TBC1D12: variants seen among roughly 807,000 people sequenced by gnomAD.
TBC1D12 encodes TBC1 domain family member 12.
A neutral mutation model predicts 86.7 loss-of-function variants in TBC1D12; 56 were observed. The ratio of observed to expected loss-of-function variants is 0.65; its 90% CI spans 0.52 to 0.81. TBC1D12 has a LOEUF of 0.81. TBC1D12 is among the 30% of genes least tolerant of loss of function. TBC1D12 has a pLI of 0.00. For synonymous variants in TBC1D12, 421 were observed against 411.7 expected (o/e 1.02, Z -0.27); for missense variants, 1,023 against 1,038.8 (o/e 0.98, Z 0.21).
rs34828664 is a variant in TBC1D12 at position 94,465,670 on chromosome 10, A to ATGTGTGTGTGTG, written c.1096-8982_1096-8971dup. On this transcript the variant is annotated intron_variant, in intron 2 of 12. Coordinates refer to ENST00000225235, the MANE Select transcript of TBC1D12 (RefSeq NM_015188.2). Reference sequence around the variant, plus strand: ...TAAAAAAAAAAATATATATATATATATGTGTGTGTGTGTGTGTGTGTGTGT... The same window carrying ATGTGTGTGTGTG: ...TAAAAAAAAAAATATATATATATATATGTGTGTGTGTGTGTGTGTGTGTGTGTGTGTGTGTGT... 1.6e-3 allele frequency among the ~76,000 whole-genome samples: 218 copies of ATGTGTGTGTGTG among 137,954 alleles called. 1 individual carries two copies. Among genetic ancestry groups the ATGTGTGTGTGTG allele is most frequent in the East Asian group, 5.0e-3 (23 of 4,560 alleles). The allele number at this position is 137,954 out of a possible 152,430, so 90.5% of individuals were successfully genotyped here. A position where few individuals can be genotyped will look rare whatever the true frequency, so the allele number is the denominator to read the frequency against.
chr10:94,435,763 T>G (rs1006501863), intron 1 of TBC1D12, among the ~76,000 whole-genome samples: 1 of 152,260 alleles, frequency 6.6e-6, no homozygotes, highest in Non-Finnish European at 1.5e-5. Flanking sequence ...CCTGTGAGAT[T>G]AGAAGAAAAA....
intron 1 of TBC1D12, among the ~76,000 whole-genome samples, chr10:94,404,586 C>T (rs2134040821): frequency 6.7e-6 from 1 of 149,722 alleles, no homozygotes; most frequent in South Asian, 2.1e-4. Flanking sequence ...GTAGAGGTTG[C>T]AGTGAACCTA....
chr10:94,479,934 C>T (rs1179083752), intron 3 of TBC1D12, among the ~76,000 whole-genome samples: 1 of 152,108 alleles, frequency 6.6e-6, no homozygotes, highest in African/African-American at 2.4e-5. Flanking sequence ...TATCTTTCAC[C>T]ATATTGAGAA....
At chr10:94,486,874 A>G (rs141183066) in intron 3 of TBC1D12, among the ~76,000 whole-genome samples, 1 of 152,144 alleles carries the variant, frequency 6.6e-6, no homozygotes, top group Non-Finnish European at 1.5e-5. Context: ...TTGATTTTCT[A>G]TCTGGAAGAT....
intron 2 of TBC1D12, among the ~76,000 whole-genome samples, chr10:94,466,632 G>A (rs1422769095): frequency 6.6e-6 from 1 of 151,966 alleles, no homozygotes; most frequent in Non-Finnish European, 1.5e-5. Context: ...AATAACTTTA[G>A]ATTTTGGAAT....
At chr10:94,506,634 T>G (rs2056463742) in intron 6 of TBC1D12, among the ~76,000 whole-genome samples, 1 of 152,192 alleles carries the variant, frequency 6.6e-6, no homozygotes, top group Non-Finnish European at 1.5e-5. Flanking sequence ...GGGAGTGCCG[T>G]GACTAGGCAC....
intron 3 of TBC1D12, among the ~76,000 whole-genome samples, chr10:94,475,607 T>C (rs1212767970): frequency 6.6e-6 from 1 of 152,018 alleles, no homozygotes; most frequent in Non-Finnish European, 1.5e-5. Context: ...ATTTTTTGTG[T>C]GCATTTTTAG....
chr10:94,535,995 CAAAGGAAAT>C lies in TBC1D12; in HGVS notation c.*2902_*2910del, dbSNP rs1186511567. Reference sequence around the variant, plus strand: ...TTTATTTAACTGCATCTCAAGGAAACAAAGGAAATAATCTTTGTTTTTGTTTGCCAAATT... The same window carrying C: ...TTTATTTAACTGCATCTCAAGGAAACAATCTTTGTTTTTGTTTGCCAAATT... On this transcript the variant is annotated 3_prime_UTR_variant, in exon 13 of 13. Coordinates refer to ENST00000225235, the MANE Select transcript of TBC1D12 (RefSeq NM_015188.2). 1.3e-5 allele frequency: 2 copies of C among 152,008 alleles called. No individual in the cohort carries two copies. Among genetic ancestry groups the C allele is most frequent in the African/African-American group, 4.8e-5 (2 of 41,416 alleles). 9.4% of individuals were successfully genotyped at this position (152,008 alleles called of 1,614,324 possible).
intron 3 of TBC1D12, among the ~76,000 whole-genome samples, chr10:94,492,037 A>G (rs142475732): frequency 6.2e-4 from 94 of 152,344 alleles, no homozygotes; most frequent in South Asian, 3.9e-3. Flanking sequence ...TTAAATTGCA[A>G]AAGTTACTAC....
rs563235422 is a variant in TBC1D12 at position 94,421,392 on chromosome 10, G to A, written c.971+17808G>A. ...TTAAAAATGCTGAATATATTCCATC[G>A]TGTACATATGCATTTTAAAATGCAT... On this transcript the variant is annotated intron_variant, in intron 1 of 12. Transcript: ENST00000225235. Among the ~76,000 whole-genome samples, 7 of 152,212 alleles carry A rather than the reference G, an allele frequency of 4.6e-5. No homozygotes were observed. The South Asian group carries it at 6.2e-4, about 14-fold the overall frequency.
intron 2 of TBC1D12, among the ~76,000 whole-genome samples, chr10:94,452,470 A>G (rs11187957): frequency 0.027 from 4,122 of 152,190 alleles, 84 homozygotes; most frequent in Non-Finnish European, 0.044. Flanking sequence ...CCTGGAAACC[A>G]CAGATCTTTT....
intron 1 of TBC1D12, among the ~76,000 whole-genome samples, chr10:94,407,507 C>A (rs2054872330): frequency 6.6e-6 from 1 of 152,132 alleles, no homozygotes; most frequent in Non-Finnish European, 1.5e-5. Context: ...TGTGGCGAAA[C>A]CCTGTCTCTA....
At chr10:94,523,656 A>G (rs1314029835) in intron 11 of TBC1D12, among the ~76,000 whole-genome samples, 1 of 152,012 alleles carries the variant, frequency 6.6e-6, no homozygotes, top group African/African-American at 2.4e-5. Context: ...TTTATTTCCT[A>G]GATTTTCTCT....
intron 11 of TBC1D12, among the ~76,000 whole-genome samples, chr10:94,530,671 T>G (rs902729631): frequency 6.6e-6 from 1 of 152,128 alleles, no homozygotes; most frequent in African/African-American, 2.4e-5. Flanking sequence ...GTAACACAAC[T>G]AATAAGTGGC....
At chr10:94,505,678 G>C (rs573959394) in intron 6 of TBC1D12, among the ~76,000 whole-genome samples, 4 of 152,146 alleles carry the variant, frequency 2.6e-5, no homozygotes, top group African/African-American at 9.6e-5. Flanking sequence ...GAAAAGATTA[G>C]AATAGTAAGA....
At chr10:94,447,841 A>G (rs530893352) in intron 2 of TBC1D12, among the ~76,000 whole-genome samples, 22 of 149,880 alleles carry the variant, frequency 1.5e-4, no homozygotes, top group African/African-American at 3.9e-4. Flanking sequence ...ATTTCAAATG[A>G]ACCATGTTAT....
rs989486598 is a variant in TBC1D12 at position 94,533,780 on chromosome 10, G to A, written c.*684G>A. On this transcript the variant is annotated 3_prime_UTR_variant, in exon 13 of 13. Transcript: ENST00000225235. ...CACTCAGAGAATTTTAGCCATTCTGGTTCTAGTCTAACAAATTATTCATCT... is the reference window on the plus strand; with the variant it reads ...CACTCAGAGAATTTTAGCCATTCTGATTCTAGTCTAACAAATTATTCATCT... 1 of 152,106 alleles carries A rather than the reference G, an allele frequency of 6.6e-6. No homozygotes were observed. Among genetic ancestry groups the A allele is most frequent in the Admixed American group, 6.5e-5 (1 of 15,272 alleles). 9.4% of individuals were successfully genotyped at this position (152,106 alleles called of 1,614,324 possible). A position where few individuals can be genotyped will look rare whatever the true frequency, so the allele number is the denominator to read the frequency against.
intron 3 of TBC1D12, among the ~76,000 whole-genome samples, chr10:94,482,307 T>C (rs1348472787): frequency 6.6e-6 from 1 of 152,192 alleles, no homozygotes; most frequent in East Asian, 1.9e-4. Context: ...AGCCTCTGGC[T>C]CCATCAATGG....
At chr10:94,414,101 CT>C (rs2054964476) in intron 1 of TBC1D12, among the ~76,000 whole-genome samples, 2 of 151,994 alleles carry the variant, frequency 1.3e-5, no homozygotes, top group African/African-American at 4.8e-5. Flanking sequence ...ACATTATTTG[CT>C]TTTGAAAAGC....
Sources: gnomAD v4.1 joint callset for allele counts (sites outside exome capture counted in the v4.1 genomes callset) on GRCh38, gnomAD v4.1.1 for gene constraint, MANE v1.5 for transcripts, NCBI Gene and HGNC (gene_info 2026-07-23, HGNC 2026-07-21) for gene names.